The following PEBP4 variants were observed in gnomAD, a reference collection of about 807,000 sequenced individuals.
The protein encoded by PEBP4 is phosphatidylethanolamine binding protein 4, also known as phosphatidylethanolamine-binding protein 4.
PEBP4 carries 22 observed loss-of-function variants against 23.9 expected under a neutral mutation model. The observed-to-expected ratio is 0.92, with a 90% confidence interval of 0.66 to 1.31. The LOEUF (loss-of-function observed/expected upper bound fraction) is 1.31, where lower values mean the gene tolerates loss of function less well. Ranked by LOEUF, PEBP4 falls within the 40% of genes most tolerant of loss-of-function variation. PEBP4 has a pLI of 0.00. For synonymous variants in PEBP4, 112 were observed against 99.3 expected (o/e 1.13, Z -0.76); for missense variants, 324 against 281.7 (o/e 1.15, Z -1.07).
chr8:22,822,900 T>C (rs1360985026), intron 3 of PEBP4, among the ~76,000 whole-genome samples: 1 of 151,928 alleles, frequency 6.6e-6, no homozygotes, highest in Admixed American at 6.5e-5. Context: ...TCTGGCACAA[T>C]CCCAATCAAA....
At chr8:22,715,402 G>A (rs1449827879) in intron 6 of PEBP4, among the ~76,000 whole-genome samples, 1 of 151,572 alleles carries the variant, frequency 6.6e-6, no homozygotes, top group Non-Finnish European at 1.5e-5. Context: ...GCACACACAT[G>A]TGTATGTGTG....
intron 3 of PEBP4, among the ~76,000 whole-genome samples, chr8:22,890,660 G>A (rs924541481): frequency 7.2e-5 from 11 of 152,340 alleles, no homozygotes; most frequent in African/African-American, 2.6e-4. Context: ...AGGCCGCCTG[G>A]CAGGTGGCAG....
rs747534801 is a variant in PEBP4 at position 22,927,694 on chromosome 8, C to G, written c.21G>C (p.Leu7=). Residue 7 remains leucine (L), a synonymous_variant, in exon 2 of 7, where the codon CTG becomes CTC. Coordinates refer to ENST00000256404, the MANE Select transcript of PEBP4 (RefSeq NM_144962.3). MGWTMR[L]VTAALLLGLM... Reference sequence around the variant, plus strand: ...GACCCAGTAACAGTGCTGCTGTGACCAGCCTCATTGTCCAACCCATGGGCA... The same window carrying G: ...GACCCAGTAACAGTGCTGCTGTGACGAGCCTCATTGTCCAACCCATGGGCA... The G allele has an allele frequency of 3.1e-6, 5 of 1,613,752 alleles. No individual in the cohort carries two copies. Among genetic ancestry groups the G allele is most frequent in the South Asian group, 1.1e-5 (1 of 91,018 alleles).
chr8:22,728,543 C>CTTTCTTTCTTTCTTTCTTTCTTT (rs1804663557), intron 4 of PEBP4, among the ~76,000 whole-genome samples: 1 of 115,344 alleles, frequency 8.7e-6, no homozygotes, highest in African/African-American at 3.1e-5. Context: ...TTTCTTCCTT[C>CTTTCTTTCTTTCTTTCTTTCTTT]CTTTCTTTCT....
intron 6 of PEBP4, among the ~76,000 whole-genome samples, chr8:22,722,218 C>T (rs1156893698): frequency 6.6e-6 from 1 of 152,126 alleles, no homozygotes; most frequent in Non-Finnish European, 1.5e-5. Context: ...CAACCCAGAG[C>T]TCCCTCTTCC....
intron 4 of PEBP4, among the ~76,000 whole-genome samples, chr8:22,814,330 T>G (rs1806694704): frequency 6.6e-6 from 1 of 152,214 alleles, no homozygotes; most frequent in Non-Finnish European, 1.5e-5. Flanking sequence ...TTTCTTGAAT[T>G]AAACGAACAA....
chr8:22,749,802 A>ACTTTTTTTTTTTTTT (rs1805208465), intron 4 of PEBP4, among the ~76,000 whole-genome samples: 1 of 41,586 alleles, frequency 2.4e-5, no homozygotes. Flanking sequence ...TCAGTTTGTC[A>ACTTTTTTTTTTTTTT]TTCTTTTTTT....
At chr8:22,799,629 G>A (rs895622772) in intron 4 of PEBP4, among the ~76,000 whole-genome samples, 1 of 152,226 alleles carries the variant, frequency 6.6e-6, no homozygotes, top group Admixed American at 6.5e-5. Context: ...AGGTATACAT[G>A]TGCCATGTTG....
In PEBP4 at chr8:22,804,160, T is replaced by G. The variant is rs567792046; in HGVS notation, c.357+13477A>C. Among the ~76,000 whole-genome samples the G allele has an allele frequency of 4.1e-4, 62 of 152,274 alleles. No individual in the cohort carries two copies. The South Asian group carries it at 7.9e-3, about 19-fold the overall frequency. Reference sequence around the variant, plus strand: ...ACCTGGGCAACATAGTGGGGCCCTATATCTATAAAAAATAAAAGTAAATAG... The same window carrying G: ...ACCTGGGCAACATAGTGGGGCCCTAGATCTATAAAAAATAAAAGTAAATAG... On this transcript the variant is annotated intron_variant, in intron 4 of 6. Coordinates refer to ENST00000256404, the MANE Select transcript of PEBP4 (RefSeq NM_144962.3).
intron 3 of PEBP4, among the ~76,000 whole-genome samples, chr8:22,831,086 C>G (rs986165205): frequency 4.6e-5 from 7 of 152,174 alleles, no homozygotes; most frequent in Non-Finnish European, 1.0e-4. Context: ...TGCTCCCTCC[C>G]CACTCATCAC....
intron 3 of PEBP4, among the ~76,000 whole-genome samples, chr8:22,863,602 G>C (rs551046211): frequency 3.9e-5 from 6 of 152,160 alleles, no homozygotes; most frequent in Non-Finnish European, 8.8e-5. Context: ...GATACCAGGA[G>C]AGTATTCCCC....
chr8:22,795,133 A>ATGTGTG (rs201306654), intron 4 of PEBP4, among the ~76,000 whole-genome samples: 37 of 115,778 alleles, frequency 3.2e-4, no homozygotes, highest in African/African-American at 1.2e-3. Context: ...GTGTATATAT[A>ATGTGTG]TGTGTGTGTG....
At chr8:22,759,124 G>C (rs867605410) in intron 4 of PEBP4, among the ~76,000 whole-genome samples, 1 of 152,264 alleles carries the variant, frequency 6.6e-6, no homozygotes. Context: ...CAGCAGTCTG[G>C]TGGGCTCAGG....
At chr8:22,894,308 C>A (rs955953531) in intron 3 of PEBP4, among the ~76,000 whole-genome samples, 1 of 152,132 alleles carries the variant, frequency 6.6e-6, no homozygotes, top group African/African-American at 2.4e-5. Flanking sequence ...CATAGTGGCT[C>A]ACTCTATAAT....
At chr8:22,841,934 G>C (rs1460568087) in intron 3 of PEBP4, among the ~76,000 whole-genome samples, 1 of 152,230 alleles carries the variant, frequency 6.6e-6, no homozygotes, top group Non-Finnish European at 1.5e-5. Context: ...CTGCAGAAAG[G>C]GCCACTCAAA....
chr8:22,739,285 C>T (rs1171943809), intron 4 of PEBP4, among the ~76,000 whole-genome samples: 1 of 152,144 alleles, frequency 6.6e-6, no homozygotes, highest in East Asian at 1.9e-4. Flanking sequence ...CTCCCTGCCG[C>T]AGCAGAACAA....
chr8:22,714,760 C>G (rs1484519072), intron 6 of PEBP4, among the ~76,000 whole-genome samples: 1 of 152,054 alleles, frequency 6.6e-6, no homozygotes, highest in Non-Finnish European at 1.5e-5. Context: ...CCTGTCTCCT[C>G]GGTCAGCACC....
intron 4 of PEBP4, among the ~76,000 whole-genome samples, chr8:22,766,695 T>C (rs1440579277): frequency 2.6e-5 from 4 of 151,930 alleles, no homozygotes; most frequent in African/African-American, 7.3e-5. Context: ...GGGGCGGCGG[T>C]TGGGGGAATG....
intron 4 of PEBP4, among the ~76,000 whole-genome samples, chr8:22,813,219 G>A (rs547666544): frequency 1.1e-3 from 173 of 152,332 alleles, no homozygotes; most frequent in African/African-American, 4.1e-3. Flanking sequence ...AGAATTGGTT[G>A]CATTTACAGT....
Sources: allele counts gnomAD v4.1 joint callset (sites outside exome capture counted in the v4.1 genomes callset), GRCh38; gene constraint gnomAD v4.1.1; transcripts MANE v1.5; gene names NCBI Gene and HGNC (gene_info 2026-07-23, HGNC 2026-07-21).